Variants in GAK observed in about 807,000 individuals in gnomAD.
GAK encodes cyclin-G-associated kinase.
A neutral mutation model predicts 143.9 loss-of-function variants in GAK; 79 were observed. The ratio of observed to expected loss-of-function variants is 0.55; its 90% confidence interval spans 0.46 to 0.66. GAK has a LOEUF of 0.66. Among genes scored for constraint, GAK ranks in the 30% least tolerant of loss-of-function variants. The probability of loss-of-function intolerance (pLI) is 0.00; values close to 1 mark genes in which losing one functional copy is unlikely to be tolerated. For synonymous variants in GAK, 881 were observed against 765.5 expected, an observed-to-expected ratio of 1.15 and a Z score of -2.49; for missense variants, 1,693 against 1,779.7, an observed-to-expected ratio of 0.95 and a Z score of 0.88.
At chr4:870,517 TC>T (rs1219687583) in intron 19 of GAK, among the ~76,000 whole-genome samples, 193 bp downstream of exon 19, 1 of 152,174 alleles carries the variant, frequency 6.6e-6, no homozygotes, top group Non-Finnish European at 1.5e-5. Context: ...TGCGAGTCCT[TC>T]TCTGGTGTAG....
chr4:871,892 G>A (rs532334825), intron 18 of GAK, among the ~76,000 whole-genome samples: 1 of 152,316 alleles, frequency 6.6e-6, no homozygotes, highest in South Asian at 2.1e-4. Context: ...CTCTCCAGCG[G>A]GCAGCAGGCT....
At chr4:864,702 C>A (rs2152736431) in intron 23 of GAK, among the ~76,000 whole-genome samples, 1 of 152,316 alleles carries the variant, frequency 6.6e-6, no homozygotes, top group East Asian at 1.9e-4. Context: ...GGCCGCAACA[C>A]CGAGACAAGA....
chr4:849,830 C>CCGGGGGCG, intron 27 of GAK, 56 bp from the exon 28 acceptor site: 1 of 1,172,350 alleles, frequency 8.5e-7, no homozygotes, highest in Non-Finnish European at 1.2e-6. Context: ...GCGGGCGGGG[C>CCGGGGGCG]AGGACCCCCC....
intron 16 of GAK, 140 bp downstream of exon 16, chr4:877,475 T>G (rs1053471255): frequency 1.1e-4 from 97 of 876,582 alleles, no homozygotes; most frequent in Non-Finnish European, 1.6e-4. Flanking sequence ...GGATCCCAAG[T>G]GACCTGCCAC....
At chr4:873,976 C>A (rs944493715) in intron 18 of GAK, among the ~76,000 whole-genome samples, 4 of 152,172 alleles carry the variant, frequency 2.6e-5, no homozygotes, top group Non-Finnish European at 4.4e-5. Context: ...TTTATCTCTA[C>A]GTTGTTCTGG....
chr4:890,745 A>C (rs1264663099), intron 9 of GAK, 123 bp from the exon 10 acceptor site: 1 of 697,488 alleles, frequency 1.4e-6, no homozygotes, highest in African/African-American at 1.8e-5. Context: ...TCTATGACAC[A>C]GTGCAAGGGA....
At chr4:903,259 C>T (rs751842849) in intron 5 of GAK, among the ~76,000 whole-genome samples, 11 of 151,766 alleles carry the variant, frequency 7.2e-5, no homozygotes, top group Non-Finnish European at 7.4e-5. Flanking sequence ...GGCTCATGCC[C>T]ACATCACGCC....
chr4:871,510 G>A (rs995927574), intron 18 of GAK, among the ~76,000 whole-genome samples: 1 of 152,258 alleles, frequency 6.6e-6, no homozygotes, highest in Non-Finnish European at 1.5e-5. Context: ...GAATCCGGCT[G>A]CCAGGGAATT....
intron 26 of GAK, chr4:850,689 C>T (rs1747977535): frequency 7.3e-6 from 1 of 136,620 alleles, no homozygotes. Context: ...ACGTGGGGAG[C>T]AGCACAGCCT....
chr4:866,857 C>G (rs1751279799), intron 21 of GAK, 99 bp downstream of exon 21: 5 of 951,718 alleles, frequency 5.3e-6, no homozygotes, highest in Non-Finnish European at 7.8e-6. Context: ...ACGTTCCCTT[C>G]CTGCAAGCAC....
Position 876,605 on chromosome 4 carries a change from G to A in GAK, c.1979C>T (p.Ala660Val), listed in dbSNP as rs747437086. Residue 660 changes from alanine to valine, a missense_variant, in exon 18 of 28, where the codon GCA becomes GTA. Ala to Val is a moderately conservative substitution (Grantham distance 64). Transcript: ENST00000314167. ...CTGAATCTGGAACATCTTCATGGAT[G>A]CCATCTGCAAAGAGAGCAAACACGA... The part of the protein sequence containing the change: ...TLGGRLQAKM[A>V]SMKMFQIQFH... The A allele has an allele frequency of 1.2e-6, 2 of 1,614,018 alleles. No homozygotes were observed. The highest frequency in any genetic ancestry group is 3.3e-5 in the Admixed American group (2 of 60,026).
intron 8 of GAK, 48 bp downstream of exon 8, chr4:893,826 T>C: frequency 2.0e-6 from 3 of 1,512,810 alleles, no homozygotes; most frequent in Non-Finnish European, 2.7e-6. Flanking sequence ...CCACGCGGGG[T>C]CTGTGCTCCA....
At chr4:873,636 C>T (rs868449496) in intron 18 of GAK, among the ~76,000 whole-genome samples, 2 of 152,218 alleles carry the variant, frequency 1.3e-5, no homozygotes, top group Non-Finnish European at 2.9e-5. Context: ...TCACTGCCCT[C>T]GCCCCTGCAA....
intron 1 of GAK, among the ~76,000 whole-genome samples, chr4:915,021 C>T (rs1416740279): frequency 1.4e-4 from 20 of 142,392 alleles, no homozygotes; most frequent in Non-Finnish European, 2.1e-4. Context: ...GCGCACACGG[C>T]CCCCAACACA....
At chr4:931,430 C>G (rs1553901627) in intron 1 of GAK, among the ~76,000 whole-genome samples, 2 of 150,550 alleles carry the variant, frequency 1.3e-5, no homozygotes, top group Non-Finnish European at 3.0e-5. Flanking sequence ...CCCCCCACCC[C>G]CCAGGCTACA....
chr4:854,405 G>A (rs1262966013), intron 24 of GAK, among the ~76,000 whole-genome samples: 3 of 152,160 alleles, frequency 2.0e-5, no homozygotes, highest in African/African-American at 7.2e-5. Flanking sequence ...CTCTGAAGTT[G>A]GGTCCACCTG....
In GAK at chr4:877,212, G is replaced by C. The variant is rs1465629138; in HGVS notation, c.1857-5C>G. The stretch of plus-strand genomic sequence containing the variant: ...CCATCTTCAATCTTAAAGTCCCTAA[G>C]GACAGAATGACAAGAGAAAAATTTT... On this transcript the variant is annotated splice_polypyrimidine_tract_variant and splice_region_variant and intron_variant, in intron 16 of 27. Coordinates refer to ENST00000314167, the MANE Select transcript of GAK (RefSeq NM_005255.4). 8 of 1,598,228 alleles carry C rather than the reference G, an allele frequency of 5.0e-6. No individual in the cohort carries two copies. Among genetic ancestry groups the C allele is most frequent in the African/African-American group, 1.3e-5 (1 of 74,544 alleles).
At chr4:883,030 A>G (rs557527554) in intron 13 of GAK, among the ~76,000 whole-genome samples, 1 of 152,322 alleles carries the variant, frequency 6.6e-6, no homozygotes, top group South Asian at 2.1e-4. Flanking sequence ...GTCCCTTTGC[A>G]TACTGACAAG....
intron 10 of GAK, among the ~76,000 whole-genome samples, chr4:890,160 C>T (rs1322085747): frequency 2.6e-5 from 4 of 152,226 alleles, no homozygotes; most frequent in African/African-American, 7.2e-5. Context: ...GTGCCAGACA[C>T]GACAATGTGA....
Sources: allele counts gnomAD v4.1 joint callset (sites outside exome capture counted in the v4.1 genomes callset), GRCh38; gene constraint gnomAD v4.1.1; transcripts MANE v1.5; gene names NCBI Gene and HGNC (gene_info 2026-07-23, HGNC 2026-07-21).